The following SORCS3 variants were observed in gnomAD, a reference collection of about 807,000 sequenced individuals.
The protein encoded by SORCS3 is VPS10 domain-containing receptor SorCS3.
Under a neutral mutation model 146.3 loss-of-function variants are expected in SORCS3, and 57 were observed. The observed-to-expected ratio is 0.39, with a 90% CI of 0.31 to 0.49. SORCS3 has a LOEUF of 0.49. Among genes scored for constraint, SORCS3 ranks in the 20% least tolerant of loss-of-function variants. The pLI is 0.92. For missense variants in SORCS3, 1,341 were observed against 1,575.5 expected (o/e 0.85, Z 2.52); for synonymous variants, 653 against 618.5 (o/e 1.06, Z -0.83).
chr10:104,975,313 G>T (rs920039821), intron 3 of SORCS3, among the ~76,000 whole-genome samples: 2 of 152,022 alleles, frequency 1.3e-5, no homozygotes, highest in Non-Finnish European at 2.9e-5. Flanking sequence ...ATTCACAATT[G>T]CTTCAAAGAG....
chr10:105,235,008 G>A (rs1589701868), intron 20 of SORCS3, among the ~76,000 whole-genome samples: 1 of 151,980 alleles, frequency 6.6e-6, no homozygotes, highest in African/African-American at 2.4e-5. Flanking sequence ...ATGGAAGGAG[G>A]GGAAGCTTTT....
intron 2 of SORCS3, among the ~76,000 whole-genome samples, chr10:104,915,207 C>T (rs2019012736): frequency 6.6e-6 from 1 of 152,144 alleles, no homozygotes; most frequent in Non-Finnish European, 1.5e-5. Context: ...AACCCCTCCT[C>T]TGTAAGCAGC....
In SORCS3 at chr10:105,079,498, C is replaced by T. The variant is rs534008992; in HGVS notation, c.1029-10277C>T. On this transcript the variant is annotated intron_variant, in intron 5 of 26. Coordinates refer to ENST00000369701, the MANE Select transcript of SORCS3 (RefSeq NM_014978.3). ...TGAATTGGGGAAATATCTTGAGATA[C>T]GGCAGGGTGATGATAGTCAATAGTA... Among the ~76,000 whole-genome samples, 90 of 152,198 alleles carry T rather than the reference C, an allele frequency of 5.9e-4. 2 individuals carry two copies. In the South Asian group the frequency reaches 0.013, roughly 23 times the overall value.
intron 4 of SORCS3, among the ~76,000 whole-genome samples, chr10:105,026,471 A>G (rs182717580): frequency 6.6e-6 from 1 of 152,354 alleles, no homozygotes; most frequent in East Asian, 1.9e-4. Context: ...CAATCCCATT[A>G]TTAGGTAAGT....
chr10:105,248,710 T>C (rs568164192), intron 22 of SORCS3, among the ~76,000 whole-genome samples: 8 of 84,428 alleles, frequency 9.5e-5, no homozygotes, highest in Admixed American at 4.2e-4. Context: ...TGAGACTCCA[T>C]CTCAAAAAAA....
In SORCS3 at chr10:105,217,802, AT is replaced by A. The variant is rs1361559142; in HGVS notation, c.2734+683del. On this transcript the variant is annotated intron_variant, in intron 19 of 26. Coordinates refer to ENST00000369701, the MANE Select transcript of SORCS3 (RefSeq NM_014978.3). ...CATTTTGTGTATTTTCTATTCTAGA[AT>A]TTGATGCATGTAAACTGAAACTTTA... The A allele has an allele frequency of 2.6e-5, 12 of 454,046 alleles. No homozygotes were observed. The East Asian group carries it at 8.3e-4, about 32-fold the overall frequency. The allele number at this position is 454,046 out of a possible 1,614,324, so 28.1% of individuals were successfully genotyped here.
intron 2 of SORCS3, among the ~76,000 whole-genome samples, chr10:104,879,644 C>G (rs1332286189): frequency 6.6e-6 from 1 of 152,198 alleles, no homozygotes; most frequent in Non-Finnish European, 1.5e-5. Flanking sequence ...AGCCCATTGA[C>G]TGCCTTTGTG....
chr10:104,913,873 C>A (rs951374296), intron 2 of SORCS3, among the ~76,000 whole-genome samples: 1 of 149,834 alleles, frequency 6.7e-6, no homozygotes, highest in Non-Finnish European at 1.5e-5. Flanking sequence ...TGGGTTCAAG[C>A]AATTCTTCTG....
intron 22 of SORCS3, among the ~76,000 whole-genome samples, chr10:105,250,124 C>T (rs2056890230): frequency 6.6e-6 from 1 of 152,096 alleles, no homozygotes; most frequent in African/African-American, 2.4e-5. Flanking sequence ...GCTGTGTCTT[C>T]ACATGGTGGA....
intron 7 of SORCS3, among the ~76,000 whole-genome samples, chr10:105,115,424 T>C (rs1288800613): frequency 6.6e-6 from 1 of 152,234 alleles, no homozygotes; most frequent in Non-Finnish European, 1.5e-5. Context: ...TAAGGATTTT[T>C]ATAAGCCGAT....
At chr10:105,164,842 G>C (rs924695633) in intron 12 of SORCS3, among the ~76,000 whole-genome samples, 2 of 152,144 alleles carry the variant, frequency 1.3e-5, no homozygotes, top group Non-Finnish European at 2.9e-5. Flanking sequence ...AGACTGTCTT[G>C]AGTAAGTATG....
chr10:104,908,466 A>T (rs747640383), intron 2 of SORCS3, among the ~76,000 whole-genome samples: 1 of 152,234 alleles, frequency 6.6e-6, no homozygotes, highest in Non-Finnish European at 1.5e-5. Flanking sequence ...ATGCTAAGCT[A>T]GGTATCTTAT....
At chr10:105,053,447 T>TC (rs1408372696) in intron 5 of SORCS3, among the ~76,000 whole-genome samples, 1 of 151,974 alleles carries the variant, frequency 6.6e-6, no homozygotes, top group African/African-American at 2.4e-5. Context: ...ATTTTTTTTT[T>TC]CTGGTTGGAA....
At chr10:104,738,017 A>G (rs377542668) in intron 1 of SORCS3, among the ~76,000 whole-genome samples, 1 of 151,832 alleles carries the variant, frequency 6.6e-6, no homozygotes, top group Admixed American at 6.6e-5. Flanking sequence ...TCCCAGCACC[A>G]TTTATTAAAT....
At chr10:105,088,359 A>G (rs2055677405) in intron 5 of SORCS3, among the ~76,000 whole-genome samples, 1 of 152,222 alleles carries the variant, frequency 6.6e-6, no homozygotes, top group Non-Finnish European at 1.5e-5. Context: ...AAAATAACCC[A>G]TTAGAGTAAA....
At chr10:105,164,744 G>A (rs1272174506) in intron 12 of SORCS3, among the ~76,000 whole-genome samples, 2 of 152,052 alleles carry the variant, frequency 1.3e-5, no homozygotes, top group Non-Finnish European at 2.9e-5. Flanking sequence ...TCACCTTTGG[G>A]GATGTGTTTC....
intron 3 of SORCS3, among the ~76,000 whole-genome samples, chr10:104,973,118 T>C (rs941118804): frequency 2.6e-5 from 4 of 152,164 alleles, no homozygotes; most frequent in Non-Finnish European, 4.4e-5. Flanking sequence ...TGAGGATTTT[T>C]GCATCAATGT....
chr10:105,059,950 G>C (rs1269484047), intron 5 of SORCS3, among the ~76,000 whole-genome samples: 1 of 152,200 alleles, frequency 6.6e-6, no homozygotes, highest in Admixed American at 6.5e-5. Flanking sequence ...ATAACTGTTG[G>C]TTTAAGCTGC....
Position 105,245,613 on chromosome 10 carries a change from G to C in SORCS3, c.2940G>C (p.Gln980His). 1 of 1,614,104 alleles carries C rather than the reference G, an allele frequency of 6.2e-7. No individual in the cohort carries two copies. Among genetic ancestry groups the C allele is most frequent in the Non-Finnish European group, 8.5e-7 (1 of 1,180,012 alleles). Residue 980 changes from glutamine (Q) to histidine (H), a missense_variant, in exon 21 of 27, where the codon CAG (glutamine) becomes CAC (histidine). By Grantham distance (24) the Gln-to-His change is conservative (BLOSUM62 0). Transcript: ENST00000369701. The part of the protein sequence containing the change: ...LAEGTDTITV[Q>H]VAAGNALIQD... ...AAGGAACCGACACCATCACAGTCCA[G>C]GTGGCTGCTGGGAATGCCCTCATCC...
Sources: allele counts gnomAD v4.1 joint callset (sites outside exome capture counted in the v4.1 genomes callset), GRCh38; gene constraint gnomAD v4.1.1; transcripts MANE v1.5; gene names NCBI Gene and HGNC (gene_info 2026-07-23, HGNC 2026-07-21).